The following DCC variants were observed in gnomAD, a reference collection of about 807,000 sequenced individuals.
DCC encodes netrin receptor DCC.
In DCC, 58 loss-of-function variants were observed where a neutral mutation model predicts 172.5. The observed-to-expected ratio is 0.34, with a 90% CI of 0.27 to 0.42. The LOEUF (loss-of-function observed/expected upper bound fraction) is 0.42. DCC is among the 10% of genes least tolerant of loss of function. The pLI is 1.00. For synonymous variants in DCC, 709 were observed against 644.5 expected, an observed-to-expected ratio of 1.10 and a Z score of -1.52; for missense variants, 1,740 against 1,791.0, an observed-to-expected ratio of 0.97 and a Z score of 0.51.
chr18:52,965,078 A>C (rs2040907774), intron 5 of DCC: 1 of 152,126 alleles, frequency 6.6e-6, no homozygotes, highest in Non-Finnish European at 1.5e-5. Flanking sequence ...AGGATATTCT[A>C]CTCATCTCAA....
intron 15 of DCC, among the ~76,000 whole-genome samples, chr18:53,351,464 GTGTATATATATATA>G (rs2057810802): frequency 6.0e-5 from 2 of 33,242 alleles, no homozygotes; most frequent in African/African-American, 1.1e-4. Flanking sequence ...TATACACAGT[GTGTATATATATATA>G]TATATATATA....
intron 15 of DCC, among the ~76,000 whole-genome samples, chr18:53,382,069 A>AACACACACACACACACACAC (rs61553123): frequency 4.1e-4 from 51 of 122,946 alleles, no homozygotes; most frequent in African/African-American, 1.3e-3. Context: ...GATTAAAAAC[A>AACACACACACACACACACAC]ACACACACAC....
intron 5 of DCC, among the ~76,000 whole-genome samples, chr18:53,048,697 T>A (rs901321415): frequency 6.6e-6 from 1 of 151,270 alleles, no homozygotes; most frequent in African/African-American, 2.4e-5. Context: ...ACCTATTCTT[T>A]TGGATATATA....
intron 1 of DCC, among the ~76,000 whole-genome samples, chr18:52,366,790 A>T (rs1598866018): frequency 6.6e-6 from 1 of 152,222 alleles, no homozygotes; most frequent in South Asian, 2.1e-4. Flanking sequence ...CCTGAGCTAG[A>T]CATAAAGACT....
intron 26 of DCC, among the ~76,000 whole-genome samples, chr18:53,494,049 A>T (rs2045990156): frequency 6.6e-6 from 1 of 152,172 alleles, no homozygotes; most frequent in Admixed American, 6.6e-5. Flanking sequence ...TTGGTTTCAA[A>T]GAACATCTTT....
chr18:52,393,624 A>T, intron 1 of DCC, among the ~76,000 whole-genome samples: 1 of 152,086 alleles, frequency 6.6e-6, no homozygotes, highest in East Asian at 1.9e-4. Context: ...AGCCCTGCTA[A>T]ATCATAATAT....
At chr18:53,256,693 G>A (rs567566579) in intron 12 of DCC, among the ~76,000 whole-genome samples, 41 of 152,184 alleles carry the variant, frequency 2.7e-4, no homozygotes, top group Non-Finnish European at 3.8e-4. Flanking sequence ...TTGGCAATGC[G>A]GACTCTTTTT....
intron 1 of DCC, among the ~76,000 whole-genome samples, chr18:52,452,499 T>C (rs1988336223): frequency 1.3e-5 from 2 of 152,180 alleles, no homozygotes. Context: ...CTCTACCATT[T>C]CCTCCTCTTC....
intron 1 of DCC, among the ~76,000 whole-genome samples, chr18:52,521,759 T>C (rs1004604362): frequency 1.3e-5 from 2 of 152,200 alleles, no homozygotes; most frequent in African/African-American, 4.8e-5. Context: ...CCATAGGTTG[T>C]TTATTAATAA....
intron 5 of DCC, among the ~76,000 whole-genome samples, chr18:53,011,896 G>A (rs543140166): frequency 4.6e-5 from 7 of 151,714 alleles, no homozygotes; most frequent in African/African-American, 9.7e-5. Context: ...GTTACAAAAT[G>A]TGGATTGTTT....
chr18:53,239,890 T>C (rs1034565907), intron 12 of DCC, among the ~76,000 whole-genome samples: 2 of 151,866 alleles, frequency 1.3e-5, no homozygotes, highest in African/African-American at 4.8e-5. Context: ...GCTACATAAG[T>C]AGAATGGTAG....
chr18:52,729,091 CTG>C (rs2036596962), intron 1 of DCC, among the ~76,000 whole-genome samples: 1 of 152,030 alleles, frequency 6.6e-6, no homozygotes, highest in Non-Finnish European at 1.5e-5. Context: ...TTGAATGAAA[CTG>C]TTATAAGAGA....
chr18:52,955,256 T>C (rs1035650379), intron 5 of DCC, among the ~76,000 whole-genome samples: 1 of 152,162 alleles, frequency 6.6e-6, no homozygotes, highest in Admixed American at 6.5e-5. Context: ...CTCATCTTTT[T>C]ACTGTCTCCG....
intron 26 of DCC, among the ~76,000 whole-genome samples, chr18:53,496,744 G>C (rs570168845): frequency 7.2e-5 from 11 of 152,308 alleles, no homozygotes; most frequent in African/African-American, 2.2e-4. Flanking sequence ...GAAAAGGTTA[G>C]ATGAATTGCT....
chr18:53,534,639 T>C lies in DCC; in HGVS notation c.*3986T>C, dbSNP rs977740713. On this transcript the variant is annotated 3_prime_UTR_variant, in exon 29 of 29. Coordinates refer to ENST00000442544, the MANE Select transcript of DCC (RefSeq NM_005215.4). ...TTAAATTGGATACTTGGGAAAATCA[T>C]AGATAGGTGTTTTGTATGATATTCC... 9.9e-5 allele frequency: 15 copies of C among 152,196 alleles called. No individual in the cohort carries two copies. The highest frequency in any genetic ancestry group is 2.1e-4 in the South Asian group (1 of 4,822). The allele number at this position is 152,196 out of a possible 1,614,324, so 9.4% of individuals were successfully genotyped here.
At chr18:53,408,431 T>C (rs1342767363) in intron 19 of DCC, among the ~76,000 whole-genome samples, 1 of 152,200 alleles carries the variant, frequency 6.6e-6, no homozygotes, top group East Asian at 1.9e-4. Context: ...CCTCAGTTCC[T>C]GCCACAAAGT....
intron 2 of DCC, among the ~76,000 whole-genome samples, chr18:52,827,903 C>T (rs1205623535): frequency 6.6e-6 from 1 of 152,076 alleles, no homozygotes; most frequent in Non-Finnish European, 1.5e-5. Flanking sequence ...CTCAAAGGAC[C>T]CTCCAACTCA....
At chr18:53,119,002 C>T (rs536951248) in intron 7 of DCC, among the ~76,000 whole-genome samples, 1 of 151,772 alleles carries the variant, frequency 6.6e-6, no homozygotes, top group Non-Finnish European at 1.5e-5. Flanking sequence ...CCCAACAAGG[C>T]AGAATCTACT....
intron 2 of DCC, among the ~76,000 whole-genome samples, chr18:52,895,445 G>A (rs1271898691): frequency 6.6e-6 from 1 of 152,116 alleles, no homozygotes; most frequent in Non-Finnish European, 1.5e-5. Flanking sequence ...CAATATGCTC[G>A]TGAAGAGTTG....
Sources: allele counts gnomAD v4.1 joint callset (sites outside exome capture counted in the v4.1 genomes callset), GRCh38; gene constraint gnomAD v4.1.1; transcripts MANE v1.5; gene names NCBI Gene and HGNC (gene_info 2026-07-23, HGNC 2026-07-21).